HIVEP1: variants seen among roughly 807,000 people sequenced by gnomAD.
The protein encoded by HIVEP1 is zinc finger protein 40.
Under a neutral mutation model 180.0 loss-of-function variants are expected in HIVEP1, and 36 were observed. The ratio of observed to expected loss-of-function variants is 0.20; its 90% CI spans 0.15 to 0.26. The LOEUF is 0.26. Ranked by LOEUF, HIVEP1 falls within the 10% of genes least tolerant of loss-of-function variation. HIVEP1 has a pLI of 1.00. For synonymous variants in HIVEP1, 1,239 were observed against 1,239.0 expected (o/e 1.00, Z 0.00); for missense variants, 3,143 against 3,268.7 (o/e 0.96, Z 0.94).
chr6:12,051,718 A>G (rs563521612), intron 2 of HIVEP1, among the ~76,000 whole-genome samples: 16 of 151,182 alleles, frequency 1.1e-4, no homozygotes, highest in Non-Finnish European at 1.9e-4. Context: ...AATGGGTATT[A>G]CTAAAATTAC....
At chr6:12,047,729 T>TA (rs1356436085) in intron 2 of HIVEP1, among the ~76,000 whole-genome samples, 2 of 152,220 alleles carry the variant, frequency 1.3e-5, no homozygotes, top group African/African-American at 2.4e-5. Flanking sequence ...TTTTCACCCT[T>TA]ACGTTTCTTA....
intron 7 of HIVEP1, among the ~76,000 whole-genome samples, chr6:12,149,200 T>G (rs1018037781): frequency 1.3e-5 from 2 of 152,192 alleles, no homozygotes; most frequent in Non-Finnish European, 2.9e-5. Flanking sequence ...ATAGGATATT[T>G]AAGAACATGC....
At chr6:12,017,556 C>T (rs952738844) in intron 2 of HIVEP1, among the ~76,000 whole-genome samples, 3 of 152,226 alleles carry the variant, frequency 2.0e-5, no homozygotes, top group African/African-American at 7.2e-5. Context: ...CTCCGGCAGC[C>T]TGCTTTTATT....
Position 12,130,889 on chromosome 6 carries a change from C to A in HIVEP1, c.6332C>A (p.Thr2111Lys). 6.2e-7 allele frequency: 1 copy of A among 1,613,176 alleles called. No homozygotes were observed. Among genetic ancestry groups the A allele is most frequent in the Non-Finnish European group, 8.5e-7 (1 of 1,179,256 alleles). The stretch of plus-strand genomic sequence containing the variant: ...TTAAAGAAACACATACGAACCCATA[C>A]AGATGTCCGCCCCTACCACTGCACT... ...SMLKKHIRTH[T>K]DVRPYHCTYC... Residue 2111 changes from threonine (T) to lysine (K), a missense_variant, in exon 6 of 9, where the codon ACA becomes AAA. Transcript: ENST00000379388.
chr6:12,085,720 G>A lies in HIVEP1; in HGVS notation c.41-3464G>A, dbSNP rs59039201. The stretch of plus-strand genomic sequence containing the variant: ...TGGGGAATGAGAGGCAGGCCTCTGA[G>A]ATGGTGAGGGAGACCCTCCCCACAC... On this transcript the variant is annotated intron_variant, in intron 2 of 8. Transcript: ENST00000379388. Among the ~76,000 whole-genome samples the A allele has an allele frequency of 5.8e-3, 887 of 152,230 alleles. 5 individuals carry two copies. The highest frequency in any genetic ancestry group is 0.02 in the African/African-American group (850 of 41,562).
chr6:12,020,452 A>G lies in HIVEP1; in HGVS notation c.40+4784A>G, dbSNP rs1474272678. 8.5e-6 allele frequency: 4 copies of G among 471,080 alleles called. No homozygotes were observed. In the East Asian group the frequency reaches 2.8e-4, roughly 33 times the overall value. 29.2% of individuals were successfully genotyped at this position (471,080 alleles called of 1,614,324 possible). ...ACAGCAGGGCAGCGCTGTGTCTCCCAGCCATCATTCCTTACTCATCGCTGC... is the reference window on the plus strand; with the variant it reads ...ACAGCAGGGCAGCGCTGTGTCTCCCGGCCATCATTCCTTACTCATCGCTGC... On this transcript the variant is annotated intron_variant, in intron 2 of 8. Coordinates refer to ENST00000379388, the MANE Select transcript of HIVEP1 (RefSeq NM_002114.4).
intron 3 of HIVEP1, among the ~76,000 whole-genome samples, chr6:12,102,443 T>C (rs1469540173): frequency 6.6e-6 from 1 of 152,168 alleles, no homozygotes; most frequent in African/African-American, 2.4e-5. Flanking sequence ...AATGTACTGA[T>C]GTGAAAAAAT....
At chr6:12,184,059 A>AGACAGACAGACT in the HIVEP1 span, among the ~76,000 whole-genome samples, 1 of 149,222 alleles carries the variant, frequency 6.7e-6, no homozygotes, top group African/African-American at 2.5e-5. Flanking sequence ...ACAGACAGAC[A>AGACAGACAGACT]GACTGATTTG....
At chr6:12,080,145 A>G (rs910421917) in intron 2 of HIVEP1, among the ~76,000 whole-genome samples, 7 of 152,172 alleles carry the variant, frequency 4.6e-5, no homozygotes, top group Non-Finnish European at 8.8e-5. Flanking sequence ...TAAGAGAATC[A>G]TCCTTGGGCT....
In HIVEP1 at chr6:12,122,252, A is replaced by C; in HGVS notation, c.2457A>C (p.Lys819Asn). The C allele has an allele frequency of 6.2e-7, 1 of 1,614,214 alleles. No homozygotes were observed. The highest frequency in any genetic ancestry group is 8.5e-7 in the Non-Finnish European group (1 of 1,180,034). Residue 819 changes from lysine to asparagine, a missense_variant, in exon 4 of 9, where the codon AAA becomes AAC. By Grantham distance (94) the Lys-to-Asn change is moderately conservative. Coordinates refer to ENST00000379388, the MANE Select transcript of HIVEP1 (RefSeq NM_002114.4). ...AGTCACCTTTCACCCCTACTGAAAA[A>C]TCAAAGCAAGTGTTTCTTCTGTCTG... is the stretch of plus-strand genomic sequence containing the variant. ...IPKSPFTPTEKSKQVFLLSVP... is the reference protein window; with the variant it reads ...IPKSPFTPTENSKQVFLLSVP...
In HIVEP1 at chr6:12,163,380, A is replaced by G. The variant is rs1234666432; in HGVS notation, c.7076A>G (p.Gln2359Arg). The G allele has an allele frequency of 6.2e-7, 1 of 1,614,036 alleles. No homozygotes were observed. Among genetic ancestry groups the G allele is most frequent in the Non-Finnish European group, 8.5e-7 (1 of 1,180,020 alleles). Residue 2359 changes from glutamine to arginine, a missense_variant, in exon 9 of 9, where the codon CAA (glutamine) becomes CGA (arginine). By Grantham distance (43) the Gln-to-Arg change is conservative. Around this residue, in one of 12 missense-constraint regions of HIVEP1, gnomAD observed 595 missense variants for 602.2 expected, o/e 0.99. Transcript: ENST00000379388. Reference protein sequence around the residue: ...PSVASPHPDPQEQKQQITLQP... With the variant: ...PSVASPHPDPREQKQQITLQP... ...GTGGCCTCACCACATCCTGACCCTC[A>G]AGAACAGAAGCAGCAAATAACTCTA...
the HIVEP1 span, among the ~76,000 whole-genome samples, chr6:12,176,131 G>C: frequency 6.6e-6 from 1 of 152,156 alleles, no homozygotes; most frequent in Non-Finnish European, 1.5e-5. Context: ...ACTGGCACAA[G>C]AGGGTATCTG....
At chr6:12,142,861 A>G (rs537980747) in intron 7 of HIVEP1, among the ~76,000 whole-genome samples, 58 of 152,234 alleles carry the variant, frequency 3.8e-4, no homozygotes, top group Non-Finnish European at 6.8e-4. Context: ...GAATAGACTA[A>G]TAACAGGCTC....
chr6:12,031,244 C>G (rs1768921512), intron 2 of HIVEP1, among the ~76,000 whole-genome samples: 1 of 152,098 alleles, frequency 6.6e-6, no homozygotes, highest in Non-Finnish European at 1.5e-5. Context: ...TCAGCTGGAC[C>G]CTCTTATGTC....
downstream of HIVEP1, among the ~76,000 whole-genome samples, chr6:12,167,648 T>TATATAC (rs1562023655): frequency 2.3e-5 from 2 of 88,484 alleles, no homozygotes; most frequent in African/African-American, 5.8e-5. Flanking sequence ...TACATATACA[T>TATATAC]ATATATGTTA....
chr6:12,032,291 A>AC (rs1769005164), intron 2 of HIVEP1, among the ~76,000 whole-genome samples: 1 of 151,796 alleles, frequency 6.6e-6, no homozygotes. Flanking sequence ...CAAGAGCGCC[A>AC]CCATGCCCGG....
chr6:12,203,646 C>T, the HIVEP1 span, among the ~76,000 whole-genome samples: 9 of 152,178 alleles, frequency 5.9e-5, no homozygotes. Flanking sequence ...TTTATCTAGA[C>T]TTTTGCAAGG....
chr6:12,071,329 C>G (rs1400460891), intron 2 of HIVEP1, among the ~76,000 whole-genome samples: 1 of 152,194 alleles, frequency 6.6e-6, no homozygotes, highest in African/African-American at 2.4e-5. Context: ...CTCCTGCCCC[C>G]CAGCCAGAGC....
chr6:12,199,230 G>A, the HIVEP1 span, among the ~76,000 whole-genome samples: 1 of 152,276 alleles, frequency 6.6e-6, no homozygotes, highest in African/African-American at 2.4e-5. Flanking sequence ...GAATGGCATT[G>A]GAACCTACCA....
Sources: allele counts gnomAD v4.1 joint callset (sites outside exome capture counted in the v4.1 genomes callset), GRCh38; gene constraint gnomAD v4.1.1; regional missense constraint gnomAD v4.1.1; transcripts MANE v1.5; gene names NCBI Gene and HGNC (gene_info 2026-07-23, HGNC 2026-07-21).